LDB1: variants seen among roughly 807,000 people sequenced by gnomAD.
LDB1 encodes the protein LIM domain-binding protein 1.
In LDB1, 6 loss-of-function variants were observed where a neutral mutation model predicts 49.7. The observed-to-expected ratio is 0.12, with a 90% confidence interval of 0.07 to 0.24. The LOEUF (loss-of-function observed/expected upper bound fraction) is 0.24. LDB1 is among the 10% of genes least tolerant of loss of function. The probability of loss-of-function intolerance (pLI) is 1.00; values close to 1 mark genes in which losing one functional copy is unlikely to be tolerated. For synonymous variants in LDB1, 233 were observed against 202.0 expected (o/e 1.15, Z -1.30); for missense variants, 341 against 561.7 (o/e 0.61, Z 3.97).
chr10:102,104,376 A>G (rs2068139035), downstream of LDB1, among the ~76,000 whole-genome samples: 1 of 152,224 alleles, frequency 6.6e-6, no homozygotes, highest in African/African-American at 2.4e-5. Context: ...ACACGTATAC[A>G]CTGCCTTACC....
intron 1 of LDB1, among the ~76,000 whole-genome samples, chr10:102,112,719 C>A (rs1007514450): frequency 3.9e-5 from 6 of 152,084 alleles, no homozygotes; most frequent in Non-Finnish European, 1.5e-5. Flanking sequence ...CTTTGCATCC[C>A]ACTCTACCTA....
chr10:102,114,617 G>T, intron 1 of LDB1: 1 of 985,086 alleles, frequency 1.0e-6, no homozygotes, highest in Non-Finnish European at 1.2e-6. Flanking sequence ...TGTCCCGGGG[G>T]AAAGTTACAA....
Position 102,111,056 on chromosome 10 carries a change from C to T in LDB1, c.249+13G>A. 6.2e-7 allele frequency: 1 copy of T among 1,613,988 alleles called. No individual in the cohort carries two copies. The highest frequency in any genetic ancestry group is 8.5e-7 in the Non-Finnish European group (1 of 1,179,834). On this transcript the variant is annotated intron_variant, in intron 4 of 10. Transcript: ENST00000673968. ...GGCCCTCCTGCTCCCAGCCCCTTTT[C>T]CCTTGGCCATACCTCTGTCCAGTTC...
intron 1 of LDB1, among the ~76,000 whole-genome samples, chr10:102,113,394 C>G (rs1448495018): frequency 6.6e-6 from 1 of 152,194 alleles, no homozygotes; most frequent in Non-Finnish European, 1.5e-5. Flanking sequence ...ACCCCATGCA[C>G]GAGCTCTCAC....
intron 1 of LDB1, chr10:102,114,419 G>A (rs779914433): frequency 5.7e-5 from 56 of 986,440 alleles, no homozygotes; most frequent in Non-Finnish European, 6.6e-5. Flanking sequence ...GGAGAACTGA[G>A]GGGGCCAGGA....
intron 1 of LDB1, among the ~76,000 whole-genome samples, chr10:102,116,455 A>G (rs544293122): frequency 1.3e-5 from 2 of 152,280 alleles, no homozygotes; most frequent in Admixed American, 1.3e-4. Flanking sequence ...TGCTAGTATT[A>G]CAGATGTGAG....
At position 102,107,232 on chromosome 10, in the gene LDB1, G is replaced by C. The variant is rs575169560; in HGVS notation, c.*861C>G. ...GGAATATACATACCATGGGGGTGGG[G>C]CTGGAAGAGAGGGAGTCACAAGCAC... On this transcript the variant is annotated 3_prime_UTR_variant, in exon 11 of 11. Coordinates refer to ENST00000673968, the MANE Select transcript of LDB1 (RefSeq NM_001113407.3). Among the ~76,000 whole-genome samples the C allele has an allele frequency of 6.6e-6, 1 of 152,218 alleles. No individual in the cohort carries two copies. The highest frequency in any genetic ancestry group is 2.4e-5 in the African/African-American group (1 of 41,518).
In LDB1 at chr10:102,119,983, A is replaced by G. The variant is rs868465547; in HGVS notation, c.25+103T>C. Reference sequence around the variant, plus strand: ...GCCCTTCCAGCCCCCGGCTTCCCCCATGCCATCGACGCCCCCCACACAAGT... The same window carrying G: ...GCCCTTCCAGCCCCCGGCTTCCCCCGTGCCATCGACGCCCCCCACACAAGT... On this transcript the variant is annotated intron_variant, in intron 1 of 10. Coordinates refer to ENST00000673968, the MANE Select transcript of LDB1 (RefSeq NM_001113407.3). 6 of 878,974 alleles carry G rather than the reference A, an allele frequency of 6.8e-6. No homozygotes were observed. In the African/African-American group the frequency reaches 8.9e-5, roughly 13 times the overall value. The allele number at this position is 878,974 out of a possible 1,614,324, so 54.4% of individuals were successfully genotyped here. A position where few individuals can be genotyped will look rare whatever the true frequency, so the allele number is the denominator to read the frequency against.
At chr10:102,113,223 G>A (rs2068281242) in intron 1 of LDB1, among the ~76,000 whole-genome samples, 1 of 152,212 alleles carries the variant, frequency 6.6e-6, no homozygotes, top group Non-Finnish European at 1.5e-5. Flanking sequence ...GTCCCAGACT[G>A]CACAGTCTCT....
At chr10:102,114,853 G>C in intron 1 of LDB1, 7 of 984,298 alleles carry the variant, frequency 7.1e-6, no homozygotes, top group Non-Finnish European at 7.2e-6. Context: ...CTCTGCTGGG[G>C]GCACCAGGAG....
chr10:102,111,478 G>A lies in LDB1; in HGVS notation c.84C>T (p.Ala28=). The A allele has an allele frequency of 6.4e-7, 1 of 1,562,660 alleles. No homozygotes were observed. The highest frequency in any genetic ancestry group is 8.7e-7 in the Non-Finnish European group (1 of 1,153,556). The change falls in exon 2 of 11, where the codon GCC becomes GCT. Residue 28 remains alanine, a synonymous_variant. Coordinates refer to ENST00000673968, the MANE Select transcript of LDB1 (RefSeq NM_001113407.3). ...TGGTGCCGGGATGGAAGGGGGGAAA[G>A]GCGTTGCCGTTCGGGGGCTCCTTCG... ...YSPKEPPNGN[A]FPPFHPGTML...
rs2068398545 is a variant in LDB1, at chr10:102,120,175, C to T, written c.-65G>A. ...GTGCCCGCCCCTCGCGGGGACAGGC[C>T]GGGCATGAGCCGCCGCCGCCGCCCG... On this transcript the variant is annotated 5_prime_UTR_variant, in exon 1 of 11. Coordinates refer to ENST00000673968, the MANE Select transcript of LDB1 (RefSeq NM_001113407.3). 1 of 1,180,982 alleles carries T rather than the reference C, an allele frequency of 8.5e-7. No individual in the cohort carries two copies. Among genetic ancestry groups the T allele is most frequent in the Non-Finnish European group, 1.0e-6 (1 of 952,932 alleles). 73.2% of individuals were successfully genotyped at this position (1,180,982 alleles called of 1,614,324 possible). A position where few individuals can be genotyped will look rare whatever the true frequency, so the allele number is the denominator to read the frequency against.
In LDB1 at chr10:102,114,505, G is replaced by T. The variant is rs956237794; in HGVS notation, c.26-2969C>A. The T allele has an allele frequency of 7.1e-6, 7 of 986,204 alleles. No individual in the cohort carries two copies. In the African/African-American group the frequency reaches 1.2e-4, roughly 17 times the overall value. The allele number at this position is 986,204 out of a possible 1,614,324, so 61.1% of individuals were successfully genotyped here. A position where few individuals can be genotyped will look rare whatever the true frequency, so the allele number is the denominator to read the frequency against. On this transcript the variant is annotated intron_variant, in intron 1 of 10. Coordinates refer to ENST00000673968, the MANE Select transcript of LDB1 (RefSeq NM_001113407.3). The stretch of plus-strand genomic sequence containing the variant: ...GGCTGACGGGGGGACAACTTCAGCA[G>T]CTCATGTCCCGAGTGGGACGGGCAG...
intron 1 of LDB1, among the ~76,000 whole-genome samples, chr10:102,113,364 GA>G (rs1246915596): frequency 2.6e-5 from 4 of 152,184 alleles, no homozygotes; most frequent in Admixed American, 1.3e-4. Context: ...GGCAGATTCA[GA>G]TGCCCGCAAC....
rs930659672 is a variant in LDB1 at position 102,106,596 on chromosome 10, T to C, written c.*1497A>G. On this transcript the variant is annotated 3_prime_UTR_variant, in exon 11 of 11. Coordinates refer to ENST00000673968, the MANE Select transcript of LDB1 (RefSeq NM_001113407.3). ...AAAAAAAAAAAAAAGGCATTACAGT[T>C]GGGATGGGATGTCCACCTTCCTCAC... Among the ~76,000 whole-genome samples the C allele has an allele frequency of 1.4e-4, 16 of 112,594 alleles. No homozygotes were observed. The highest frequency in any genetic ancestry group is 2.5e-4 in the Non-Finnish European group (15 of 59,236). 73.9% of individuals were successfully genotyped at this position (112,594 alleles called of 152,430 possible).
Position 102,109,326 on chromosome 10 carries a change from A to G in LDB1, c.856+58T>C, listed in dbSNP as rs750402193. 11 of 1,610,298 alleles carry G rather than the reference A, an allele frequency of 6.8e-6. No individual in the cohort carries two copies. The highest frequency in any genetic ancestry group is 9.3e-6 in the Non-Finnish European group (11 of 1,178,444). ...TGGGGAAAACTTCAAAAGGAAATAA[A>G]GATACAGCTTTGGGGAGCGGTGTGA... On this transcript the variant is annotated intron_variant, in intron 9 of 10. Coordinates refer to ENST00000673968, the MANE Select transcript of LDB1 (RefSeq NM_001113407.3). The surrounding 1 kb of genome is among the most constrained non-coding windows in gnomAD (Gnocchi z 5.8).
intron 10 of LDB1, among the ~76,000 whole-genome samples, chr10:102,108,621 C>T (rs2068203824): frequency 1.3e-5 from 2 of 152,128 alleles, no homozygotes. Context: ...AACTTCTGTC[C>T]ACATGTAAGA....
At chr10:102,120,431 G>C (rs1239340177), upstream of LDB1, 7 of 979,760 alleles carry the variant, frequency 7.1e-6, no homozygotes, top group Non-Finnish European at 8.5e-6. Context: ...CGCCGTCGCC[G>C]AGCGCCCCCC....
At chr10:102,113,581 C>A (rs1390780087) in intron 1 of LDB1, among the ~76,000 whole-genome samples, 1 of 152,122 alleles carries the variant, frequency 6.6e-6, no homozygotes, top group Admixed American at 6.6e-5. Flanking sequence ...AGAGGCCAGG[C>A]CTGGGCAATA....
Sources: allele counts gnomAD v4.1 joint callset (sites outside exome capture counted in the v4.1 genomes callset), GRCh38; gene constraint gnomAD v4.1.1; non-coding constraint Gnocchi (gnomAD v3.1); transcripts MANE v1.5; gene names NCBI Gene and HGNC (gene_info 2026-07-23, HGNC 2026-07-21).